The following GFPT2 variants were observed in gnomAD, a reference collection of about 807,000 sequenced individuals.
GFPT2 encodes the protein glutamine--fructose-6-phosphate aminotransferase [isomerizing] 2.
GFPT2 carries 62 observed loss-of-function variants against 85.6 expected under a neutral mutation model. That is an observed-to-expected ratio of 0.72 (90% CI 0.59 to 0.90). The LOEUF is 0.90. Among genes scored for constraint, GFPT2 ranks in the 40% least tolerant of loss-of-function variants. The probability of loss-of-function intolerance (pLI) is 0.00; values close to 1 mark genes in which losing one functional copy is unlikely to be tolerated. For synonymous variants in GFPT2, 368 were observed against 344.5 expected, an observed-to-expected ratio of 1.07 and a Z score of -0.75; for missense variants, 788 against 893.4, an observed-to-expected ratio of 0.88 and a Z score of 1.50.
At chr5:180,312,197 G>A (rs1763906759) in intron 15 of GFPT2, among the ~76,000 whole-genome samples, 1 of 59,132 alleles carries the variant, frequency 1.7e-5, no homozygotes, top group African/African-American at 4.8e-5. Context: ...CAGGGAGGCG[G>A]GGAGGCAGGG....
At chr5:180,348,887 G>A (rs1764659583) in intron 1 of GFPT2, among the ~76,000 whole-genome samples, 1 of 151,688 alleles carries the variant, frequency 6.6e-6, no homozygotes, top group South Asian at 2.1e-4. Flanking sequence ...GACTACAGGT[G>A]CGTGCCACCA....
At chr5:180,347,959 A>G (rs1764641026) in intron 1 of GFPT2, among the ~76,000 whole-genome samples, 2 of 151,998 alleles carry the variant, frequency 1.3e-5, no homozygotes, top group Admixed American at 1.3e-4. Context: ...CGGCTTCCCA[A>G]CGAAAGCCCA....
intron 3 of GFPT2, 40 bp downstream of exon 3, chr5:180,336,439 C>T (rs562445293): frequency 2.2e-5 from 24 of 1,070,810 alleles, no homozygotes; most frequent in Middle Eastern, 4.2e-4. Flanking sequence ...AAGCGGCCGG[C>T]GCTGCAGCGG....
intron 16 of GFPT2, among the ~76,000 whole-genome samples, chr5:180,305,821 C>T (rs1763765568): frequency 6.6e-6 from 1 of 152,160 alleles, no homozygotes; most frequent in Admixed American, 6.5e-5. Context: ...GCAGCACCTG[C>T]CTGTTCTTTA....
At chr5:180,341,785 A>G (rs1034007058) in intron 1 of GFPT2, among the ~76,000 whole-genome samples, 2 of 152,236 alleles carry the variant, frequency 1.3e-5, no homozygotes, top group African/African-American at 4.8e-5. Context: ...CGGCAGGGCC[A>G]AAGTGTCCCC....
chr5:180,343,659 C>T (rs1296318657), intron 1 of GFPT2, among the ~76,000 whole-genome samples: 1 of 152,284 alleles, frequency 6.6e-6, no homozygotes, highest in Non-Finnish European at 1.5e-5. Flanking sequence ...AAATAGCGTT[C>T]ACGCTGTGCT....
intron 17 of GFPT2, 62 bp from the exon 18 acceptor site, chr5:180,302,646 T>A: frequency 7.6e-7 from 1 of 1,321,956 alleles, no homozygotes; most frequent in South Asian, 1.3e-5. Flanking sequence ...CCCTGATGCA[T>A]ACAGAGTATC....
Position 180,328,324 on chromosome 5 carries a change from C to A in GFPT2, c.549G>T (p.Ala183=), listed in dbSNP as rs1264303863. Residue 183 remains alanine (A), a synonymous_variant, in exon 7 of 19, where the codon GCG becomes GCT. Coordinates refer to ENST00000253778, the MANE Select transcript of GFPT2 (RefSeq NM_005110.4). The surrounding 1 kb of genome is among the most constrained non-coding windows in gnomAD (Gnocchi z 5.4). ...RVIQQLEGAF[A]LVFKSVHYPG... ...GGTAGTGGACACTCTTGAAAACCAG[C>A]GCGAATGCACCTTCCTGAAAACACA... is the stretch of plus-strand genomic sequence containing the variant. 1 of 1,612,954 alleles carries A rather than the reference C, an allele frequency of 6.2e-7. No homozygotes were observed. Among genetic ancestry groups the A allele is most frequent in the Non-Finnish European group, 8.5e-7 (1 of 1,179,128 alleles).
chr5:180,346,249 T>C (rs966589291), intron 1 of GFPT2, among the ~76,000 whole-genome samples: 1 of 152,148 alleles, frequency 6.6e-6, no homozygotes, highest in South Asian at 2.1e-4. Flanking sequence ...TCTGCCTTTT[T>C]GCAAGCCTGG....
chr5:180,322,079 G>T (rs145099399), intron 9 of GFPT2, among the ~76,000 whole-genome samples: 1 of 152,154 alleles, frequency 6.6e-6, no homozygotes, highest in African/African-American at 2.4e-5. Context: ...GAGCCACCAC[G>T]CCCGGCCTGG....
intron 13 of GFPT2, among the ~76,000 whole-genome samples, chr5:180,315,190 T>C (rs552134652): frequency 2.9e-4 from 44 of 152,078 alleles, no homozygotes; most frequent in Non-Finnish European, 5.3e-4. Context: ...TCTTTTTTTT[T>C]TTTTTGAGAC....
intron 1 of GFPT2, among the ~76,000 whole-genome samples, chr5:180,343,165 C>G (rs1764551226): frequency 6.6e-6 from 1 of 152,182 alleles, no homozygotes; most frequent in Non-Finnish European, 1.5e-5. Context: ...TACCCATTGC[C>G]AACTCTGAAA....
chr5:180,315,674 T>C (rs957814902), intron 13 of GFPT2, among the ~76,000 whole-genome samples: 3 of 152,196 alleles, frequency 2.0e-5, no homozygotes, highest in Admixed American at 6.5e-5. Flanking sequence ...TATAAAGGCT[T>C]GGAATTATCC....
At chr5:180,313,780 G>C in intron 14 of GFPT2, 27 bp downstream of exon 14, 1 of 1,530,486 alleles carries the variant, frequency 6.5e-7, no homozygotes, top group African/African-American at 1.4e-5. Flanking sequence ...GGCTCTCCCT[G>C]GGACGGGCGC....
At chr5:180,320,213 C>T (rs1417010333) in intron 9 of GFPT2, among the ~76,000 whole-genome samples, 7 of 151,854 alleles carry the variant, frequency 4.6e-5, no homozygotes, top group African/African-American at 1.2e-4. Flanking sequence ...AGGATGGTCT[C>T]GATCTCCTGA....
intron 17 of GFPT2, among the ~76,000 whole-genome samples, chr5:180,303,109 A>G (rs1181773485): frequency 6.9e-6 from 1 of 145,678 alleles, no homozygotes; most frequent in African/African-American, 2.4e-5. Flanking sequence ...GGGGGCCTGT[A>G]GTCCCAGCTA....
At chr5:180,304,718 C>A (rs1763742988) in intron 17 of GFPT2, 54 bp downstream of exon 17, 1 of 1,471,272 alleles carries the variant, frequency 6.8e-7, no homozygotes, top group South Asian at 1.2e-5. Flanking sequence ...GTGAGGTGGG[C>A]ATGCATGGGG....
At chr5:180,333,702 C>T (rs887783317) in intron 4 of GFPT2, among the ~76,000 whole-genome samples, 3 of 152,224 alleles carry the variant, frequency 2.0e-5, no homozygotes, top group African/African-American at 7.2e-5. Context: ...TCCTTAAAAG[C>T]ATGCTCTTCA....
At chr5:180,325,363 A>G (rs1041599015) in intron 7 of GFPT2, among the ~76,000 whole-genome samples, 4 of 152,114 alleles carry the variant, frequency 2.6e-5, no homozygotes, top group Admixed American at 2.6e-4. Context: ...CCCCTAGCCC[A>G]GTTCTCTAGC....
Sources: allele counts gnomAD v4.1 joint callset (sites outside exome capture counted in the v4.1 genomes callset), GRCh38; gene constraint gnomAD v4.1.1; non-coding constraint Gnocchi (gnomAD v3.1); transcripts MANE v1.5; gene names NCBI Gene and HGNC (gene_info 2026-07-23, HGNC 2026-07-21).